The following KCNC1 variants were observed in gnomAD, a reference collection of about 807,000 sequenced individuals.
KCNC1 encodes potassium voltage-gated channel subfamily C member 1.
In KCNC1, 8 loss-of-function variants were observed where a neutral mutation model predicts 43.4. That is an observed-to-expected ratio of 0.18 (90% CI 0.11 to 0.33). KCNC1 has a LOEUF of 0.33. Ranked by LOEUF, KCNC1 falls within the 10% of genes least tolerant of loss-of-function variation. The pLI is 1.00. For synonymous variants in KCNC1, 361 were observed against 360.5 expected (o/e 1.00, Z -0.01); for missense variants, 420 against 836.0 (o/e 0.50, Z 6.14).
rs201194143 is a variant in KCNC1 at position 17,782,922 on chromosome 11, G to GAA, written c.*1194_*1195dup. On this transcript the variant is annotated 3_prime_UTR_variant, in exon 4 of 4. Coordinates refer to ENST00000265969, the MANE Select transcript of KCNC1 (RefSeq NM_001112741.2). ...TTTTTGAAAAACACATGCTTGAGTT[G>GAA]AAAAAAATGCAACATCTCAAGCTTT... The GAA allele has an allele frequency of 6.6e-6, 1 of 152,004 alleles. No homozygotes were observed. The highest frequency in any genetic ancestry group is 2.4e-5 in the African/African-American group (1 of 41,362). 9.4% of individuals were successfully genotyped at this position (152,004 alleles called of 1,614,324 possible).
intron 1 of KCNC1, among the ~76,000 whole-genome samples, chr11:17,737,542 G>T (rs557352667): frequency 6.6e-6 from 1 of 152,142 alleles, no homozygotes; most frequent in Non-Finnish European, 1.5e-5. Flanking sequence ...TAAAATGGGG[G>T]AGGGGGCCTG....
At chr11:17,749,067 A>G (rs1476159534) in intron 1 of KCNC1, among the ~76,000 whole-genome samples, 1 of 152,186 alleles carries the variant, frequency 6.6e-6, no homozygotes, top group Non-Finnish European at 1.5e-5. Flanking sequence ...CCGGGAGAAG[A>G]TGGCTAGTGG....
intron 1 of KCNC1, among the ~76,000 whole-genome samples, chr11:17,766,245 T>C (rs1849150153): frequency 1.3e-5 from 2 of 152,238 alleles, no homozygotes; most frequent in Admixed American, 1.3e-4. Context: ...TGTGGCGATG[T>C]GTCTCCGCAT....
Position 17,752,132 on chromosome 11 carries a change from A to T in KCNC1, c.570+15560A>T, listed in dbSNP as rs1396357086. ...TAATTGCTTGTGGACCAGTGAAGGG[A>T]CCACAGGCATAGGTGGCCAATGTTG... On this transcript the variant is annotated intron_variant, in intron 1 of 3. Transcript: ENST00000265969. Among the ~76,000 whole-genome samples the T allele has an allele frequency of 2.6e-5, 4 of 152,142 alleles. No homozygotes were observed. In the East Asian group the frequency reaches 7.7e-4, roughly 29 times the overall value.
chr11:17,738,503 A>C lies in KCNC1; in HGVS notation c.570+1931A>C, dbSNP rs143788414. 9.4e-3 allele frequency among the ~76,000 whole-genome samples: 1,431 copies of C among 152,238 alleles called. 11 individuals carry two copies. Among genetic ancestry groups the C allele is most frequent in the Middle Eastern group, 0.058 (17 of 294 alleles). ...AGGCTCAGTCTCCTGACTCCCAAGC[A>C]AGAGGCTGAGTCCCCCAGCCCCACC... On this transcript the variant is annotated intron_variant, in intron 1 of 3. Coordinates refer to ENST00000265969, the MANE Select transcript of KCNC1 (RefSeq NM_001112741.2).
intron 1 of KCNC1, among the ~76,000 whole-genome samples, chr11:17,740,681 T>A (rs1034605840): frequency 2.0e-5 from 3 of 152,126 alleles, no homozygotes. Context: ...CATCTGTTCC[T>A]GAGTCACTTG....
Position 17,781,331 on chromosome 11 carries a change from T to A in KCNC1, c.1694-339T>A. The A allele has an allele frequency of 7.7e-6, 2 of 258,904 alleles. No individual in the cohort carries two copies. The highest frequency in any genetic ancestry group is 1.5e-5 in the Non-Finnish European group (2 of 135,804). The allele number at this position is 258,904 out of a possible 1,614,324, so 16.0% of individuals were successfully genotyped here. A position where few individuals can be genotyped will look rare whatever the true frequency, so the allele number is the denominator to read the frequency against. On this transcript the variant is annotated intron_variant, in intron 3 of 3. Transcript: ENST00000265969. The surrounding 1 kb of genome is among the most constrained non-coding windows in gnomAD (Gnocchi z 5.1). ...TCTTTGGGAGGCGCTAAGGGTGAAG[T>A]GTCCCCACCTACATCCATTCGGCCC...
chr11:17,736,699 T>C lies in KCNC1; in HGVS notation c.570+127T>C. Reference sequence around the variant, plus strand: ...AGAATCGAAAGGGGGTGTGTGCGCATGTGTGCACGTACCAGGGTAAGAGAG... The same window carrying C: ...AGAATCGAAAGGGGGTGTGTGCGCACGTGTGCACGTACCAGGGTAAGAGAG... On this transcript the variant is annotated intron_variant, in intron 1 of 3. Transcript: ENST00000265969. This position sits in a 1 kb window ranked among gnomAD's most constrained non-coding sequence, Gnocchi z 9.3. The C allele has an allele frequency of 7.2e-7, 1 of 1,387,208 alleles. No individual in the cohort carries two copies. Among genetic ancestry groups the C allele is most frequent in the Non-Finnish European group, 9.4e-7 (1 of 1,058,500 alleles). The allele number at this position is 1,387,208 out of a possible 1,614,324, so 85.9% of individuals were successfully genotyped here. A position where few individuals can be genotyped will look rare whatever the true frequency, so the allele number is the denominator to read the frequency against.
chr11:17,764,887 T>G (rs1849131618), intron 1 of KCNC1, among the ~76,000 whole-genome samples: 1 of 152,124 alleles, frequency 6.6e-6, no homozygotes, highest in Non-Finnish European at 1.5e-5. Context: ...AACTGACAAT[T>G]TATTTAGGAC....
Position 17,772,222 on chromosome 11 carries a change from C to T in KCNC1, c.1128C>T (p.Pro376=), listed in dbSNP as rs1026801547. The T allele has an allele frequency of 2.5e-6, 4 of 1,613,994 alleles. No individual in the cohort carries two copies. The African/African-American group carries it at 4.0e-5, about 16-fold the overall frequency. ...GGATAGGGGCACAGCCCAATGACCCCAGCGCCAGTGAGCACACGCACTTTA... is the reference window on the plus strand; with the variant it reads ...GGATAGGGGCACAGCCCAATGACCCTAGCGCCAGTGAGCACACGCACTTTA... ...AERIGAQPND[P]SASEHTHFKN... Residue 376 remains proline (P), a synonymous_variant, in exon 2 of 4, where the codon CCC becomes CCT. Coordinates refer to ENST00000265969, the MANE Select transcript of KCNC1 (RefSeq NM_001112741.2).
At position 17,773,372 on chromosome 11, in the gene KCNC1, C is replaced by T. The variant is rs577689815; in HGVS notation, c.1504+774C>T. On this transcript the variant is annotated intron_variant, in intron 2 of 3. Coordinates refer to ENST00000265969, the MANE Select transcript of KCNC1 (RefSeq NM_001112741.2). This position sits in a 1 kb window ranked among gnomAD's most constrained non-coding sequence, Gnocchi z 4.1. ...GGTCGAGTGGGAGTTTCCGGTGACCCGATGGAAGCGGCTGCCGAGCAAAAG... is the reference window on the plus strand; with the variant it reads ...GGTCGAGTGGGAGTTTCCGGTGACCTGATGGAAGCGGCTGCCGAGCAAAAG... 27 of 985,322 alleles carry T rather than the reference C, an allele frequency of 2.7e-5. No individual in the cohort carries two copies. The highest frequency in any genetic ancestry group is 1.4e-4 in the African/African-American group (8 of 57,296). 61.0% of individuals were successfully genotyped at this position (985,322 alleles called of 1,614,324 possible).
intron 1 of KCNC1, among the ~76,000 whole-genome samples, chr11:17,752,392 A>G (rs898240462): frequency 2.0e-5 from 3 of 152,194 alleles, no homozygotes; most frequent in African/African-American, 7.2e-5. Flanking sequence ...CTAACTGCTC[A>G]TTACAGTCAC....
At chr11:17,762,546 C>T (rs919599600) in intron 1 of KCNC1, among the ~76,000 whole-genome samples, 5 of 152,174 alleles carry the variant, frequency 3.3e-5, no homozygotes, top group Non-Finnish European at 7.4e-5. Context: ...GAAAAGCAGG[C>T]GGGTGTGACG....
chr11:17,780,423 T>G (rs1186113397), intron 3 of KCNC1: 1 of 152,366 alleles, frequency 6.6e-6, no homozygotes, highest in Non-Finnish European at 1.5e-5. Context: ...CTCCTAGAGC[T>G]TCAGCACCGG....
chr11:17,737,273 C>G (rs536287164), intron 1 of KCNC1, among the ~76,000 whole-genome samples: 1 of 152,254 alleles, frequency 6.6e-6, no homozygotes, highest in African/African-American at 2.4e-5. Flanking sequence ...GTCCTTCCTC[C>G]TTGTCGAAAG....
At position 17,756,983 on chromosome 11, in the gene KCNC1, G is replaced by A. The variant is rs117223292; in HGVS notation, c.571-14682G>A. Reference sequence around the variant, plus strand: ...CCAGCTATGTGGGGGATTTTTGCACGTCTTAACCACTCTGAACCTCAGTTT... The same window carrying A: ...CCAGCTATGTGGGGGATTTTTGCACATCTTAACCACTCTGAACCTCAGTTT... On this transcript the variant is annotated intron_variant, in intron 1 of 3. Transcript: ENST00000265969. Among the ~76,000 whole-genome samples, 19 of 152,114 alleles carry A rather than the reference G, an allele frequency of 1.2e-4. No individual in the cohort carries two copies. The East Asian group carries it at 2.5e-3, about 20-fold the overall frequency.
At chr11:17,768,612 T>G (rs867501542) in intron 1 of KCNC1, among the ~76,000 whole-genome samples, 2,026 of 105,360 alleles carry the variant, frequency 0.019, 1 homozygote, top group Non-Finnish European at 0.023. Context: ...TGGATGTTGG[T>G]GGGGGGGGGG....
chr11:17,772,706 G>A lies in KCNC1; in HGVS notation c.1504+108G>A, dbSNP rs1849244171. ...TTCCTTAGTTCCGTGGGTGACCCCG[G>A]ACCCCGCACTCAGTCTGGAGGTGTG... On this transcript the variant is annotated intron_variant, in intron 2 of 3. Transcript: ENST00000265969. 4 of 1,528,706 alleles carry A rather than the reference G, an allele frequency of 2.6e-6. No homozygotes were observed. In the East Asian group the frequency reaches 9.0e-5, roughly 35 times the overall value. 94.7% of individuals were successfully genotyped at this position (1,528,706 alleles called of 1,614,324 possible).
At chr11:17,746,078 G>T (rs1848895465) in intron 1 of KCNC1, among the ~76,000 whole-genome samples, 1 of 152,178 alleles carries the variant, frequency 6.6e-6, no homozygotes, top group South Asian at 2.1e-4. Flanking sequence ...AAGCAAGTAG[G>T]GTTCAAGGCC....
Sources: allele counts gnomAD v4.1 joint callset (sites outside exome capture counted in the v4.1 genomes callset), GRCh38; gene constraint gnomAD v4.1.1; non-coding constraint Gnocchi (gnomAD v3.1); transcripts MANE v1.5; gene names NCBI Gene and HGNC (gene_info 2026-07-23, HGNC 2026-07-21).